The following AGBL1 variants were observed in gnomAD, a reference collection of about 807,000 sequenced individuals.
AGBL1 encodes cytosolic carboxypeptidase 4.
In AGBL1, 130 loss-of-function variants were observed where a neutral mutation model predicts 118.9. The ratio of observed to expected loss-of-function variants is 1.09; its 90% CI spans 0.95 to 1.26. AGBL1 has a LOEUF of 1.26. Ranked by LOEUF, AGBL1 falls within the 50% of genes most tolerant of loss-of-function variation. AGBL1 has a pLI of 0.00. For synonymous variants in AGBL1, 555 were observed against 478.9 expected (o/e 1.16, Z -2.08); for missense variants, 1,584 against 1,298.1 (o/e 1.22, Z -3.38).
intron 5 of AGBL1, among the ~76,000 whole-genome samples, chr15:86,192,832 C>T (rs74250498): frequency 0.033 from 4,958 of 152,090 alleles, 121 homozygotes; most frequent in South Asian, 0.082. Flanking sequence ...AATGCAGATA[C>T]AGGTTATAAA....
chr15:86,269,012 T>C (rs1325732985), intron 13 of AGBL1, among the ~76,000 whole-genome samples: 1 of 152,232 alleles, frequency 6.6e-6, no homozygotes, highest in Non-Finnish European at 1.5e-5. Flanking sequence ...ACTGCATTGC[T>C]AGTTCTGTTG....
chr15:86,816,276 G>T (rs2078857507), intron 22 of AGBL1, among the ~76,000 whole-genome samples: 1 of 152,216 alleles, frequency 6.6e-6, no homozygotes, highest in East Asian at 1.9e-4. Flanking sequence ...TCATATCAGA[G>T]AAGTCAAGAT....
chr15:86,779,089 G>C (rs1824967773), intron 22 of AGBL1, among the ~76,000 whole-genome samples: 2 of 152,026 alleles, frequency 1.3e-5, no homozygotes, highest in South Asian at 2.1e-4. Context: ...GAAGTCTCCT[G>C]GTGTCTCCTT....
chr15:86,544,770 C>T (rs2083555737), intron 19 of AGBL1, among the ~76,000 whole-genome samples: 1 of 152,092 alleles, frequency 6.6e-6, no homozygotes, highest in Non-Finnish European at 1.5e-5. Context: ...GGGAACACAG[C>T]CAAACCATAT....
chr15:86,473,881 A>T (rs1168359699), intron 18 of AGBL1, among the ~76,000 whole-genome samples: 1 of 152,116 alleles, frequency 6.6e-6, no homozygotes, highest in Non-Finnish European at 1.5e-5. Context: ...TTTTTGATAA[A>T]TTGTGCCAAA....
chr15:86,525,088 G>A (rs572527820), intron 19 of AGBL1, among the ~76,000 whole-genome samples: 1 of 151,894 alleles, frequency 6.6e-6, no homozygotes, highest in Admixed American at 6.6e-5. Flanking sequence ...CTAATCAATA[G>A]CACTGCTGTA....
chr15:86,263,041 T>C, intron 10 of AGBL1, 147 bp downstream of exon 10: 1 of 663,392 alleles, frequency 1.5e-6, no homozygotes, highest in Non-Finnish European at 2.6e-6. Flanking sequence ...AAAAGCAGAA[T>C]GCTAAACAAA....
intron 18 of AGBL1, among the ~76,000 whole-genome samples, chr15:86,512,360 T>C (rs778221687): frequency 1.8e-4 from 28 of 151,994 alleles, no homozygotes; most frequent in Non-Finnish European, 3.5e-4. Context: ...AATTTGTCTA[T>C]ACCTCTATAT....
chr15:86,097,536 T>C (rs988963425), intron 1 of AGBL1, among the ~76,000 whole-genome samples: 15 of 108,374 alleles, frequency 1.4e-4, no homozygotes, highest in South Asian at 2.7e-4. Flanking sequence ...TGAGATCCAC[T>C]TTTTTTTTTT....
intron 18 of AGBL1, among the ~76,000 whole-genome samples, chr15:86,496,504 G>A (rs148805756): frequency 1.3e-5 from 2 of 152,066 alleles, no homozygotes; most frequent in African/African-American, 4.8e-5. Context: ...TCTTTTAATA[G>A]ATTACTTTAA....
intron 22 of AGBL1, among the ~76,000 whole-genome samples, chr15:86,842,711 T>C (rs1431476650): frequency 6.6e-6 from 1 of 152,166 alleles, no homozygotes; most frequent in East Asian, 1.9e-4. Context: ...CCAAATGGAA[T>C]AATGTATTTT....
chr15:86,081,325 G>A (rs772713911), intron 1 of AGBL1, among the ~76,000 whole-genome samples: 3 of 152,204 alleles, frequency 2.0e-5, no homozygotes, highest in Non-Finnish European at 2.9e-5. Flanking sequence ...ACAGGCGTGA[G>A]CCACTGTACC....
intron 18 of AGBL1, among the ~76,000 whole-genome samples, chr15:86,405,814 T>C (rs2081519561): frequency 6.6e-6 from 1 of 151,896 alleles, no homozygotes; most frequent in Non-Finnish European, 1.5e-5. Flanking sequence ...GGTAGAAGTC[T>C]AAGTTCAAAA....
chr15:86,554,658 T>C, intron 21 of AGBL1, 121 bp downstream of exon 21: 1 of 1,080,472 alleles, frequency 9.3e-7, no homozygotes, highest in South Asian at 2.9e-5. Flanking sequence ...AGTTTGGTCC[T>C]CCCTTGCCTT....
intron 24 of AGBL1, among the ~76,000 whole-genome samples, chr15:87,004,772 T>G (rs1261789097): frequency 2.0e-5 from 3 of 152,194 alleles, no homozygotes; most frequent in Non-Finnish European, 2.9e-5. Flanking sequence ...TGATGCAGTT[T>G]CTTCCTAGCA....
chr15:86,371,099 A>G (rs1044327260), intron 17 of AGBL1, among the ~76,000 whole-genome samples: 2 of 152,230 alleles, frequency 1.3e-5, no homozygotes, highest in African/African-American at 4.8e-5. Flanking sequence ...TCAGGAAGAG[A>G]GGAATGGCAG....
chr15:87,016,332 T>C (rs891618801), intron 24 of AGBL1, among the ~76,000 whole-genome samples: 1 of 152,168 alleles, frequency 6.6e-6, no homozygotes, highest in Non-Finnish European at 1.5e-5. Flanking sequence ...AAGTGCAGGC[T>C]TAGCAATGGA....
intron 1 of AGBL1, chr15:86,105,168 T>A (rs980198765): frequency 6.6e-6 from 1 of 152,234 alleles, no homozygotes; most frequent in Non-Finnish European, 1.5e-5. Context: ...AAGTACCAGA[T>A]GCCTCTAGTC....
intron 21 of AGBL1, among the ~76,000 whole-genome samples, chr15:86,558,323 T>A (rs1596263434): frequency 6.6e-6 from 1 of 152,150 alleles, no homozygotes; most frequent in African/African-American, 2.4e-5. Flanking sequence ...CTATGGCTCC[T>A]CCCTACCTGC....
Sources: gnomAD v4.1 joint callset for allele counts (sites outside exome capture counted in the v4.1 genomes callset) on GRCh38, gnomAD v4.1.1 for gene constraint, MANE v1.5 for transcripts, NCBI Gene and HGNC (gene_info 2026-07-23, HGNC 2026-07-21) for gene names.